ZBTB20: variants seen among roughly 807,000 people sequenced by gnomAD.
The protein encoded by ZBTB20 is zinc finger and BTB domain containing 20.
In ZBTB20, 9 loss-of-function variants were observed where a neutral mutation model predicts 56.9. That is an observed-to-expected ratio of 0.16 (90% CI 0.10 to 0.28). The LOEUF is 0.28. ZBTB20 is among the 10% of genes least tolerant of loss of function. The pLI is 1.00. For synonymous variants in ZBTB20, 417 were observed against 420.7 expected, an observed-to-expected ratio of 0.99 and a Z score of 0.11; for missense variants, 655 against 1,003.0, an observed-to-expected ratio of 0.65 and a Z score of 4.69.
intron 11 of ZBTB20, among the ~76,000 whole-genome samples, chr3:114,345,906 GT>G (rs1399693050): frequency 1.4e-4 from 21 of 152,204 alleles, no homozygotes; most frequent in African/African-American, 4.8e-4. Context: ...GATGAAGGGG[GT>G]AGAGGGGAGC....
chr3:114,561,194 T>C (rs1001240054), intron 6 of ZBTB20, among the ~76,000 whole-genome samples: 2 of 152,234 alleles, frequency 1.3e-5, no homozygotes, highest in African/African-American at 4.8e-5. Context: ...GTACAGTTAC[T>C]TCTTCTACTA....
At chr3:114,353,062 C>T (rs1487358990) in intron 10 of ZBTB20, among the ~76,000 whole-genome samples, 3 of 152,154 alleles carry the variant, frequency 2.0e-5, no homozygotes, top group East Asian at 1.9e-4. Context: ...GATCTTAGGG[C>T]TTTTCTATTT....
At chr3:114,902,203 ACTT>A (rs2075147134) in intron 3 of ZBTB20, among the ~76,000 whole-genome samples, 2 of 152,168 alleles carry the variant, frequency 1.3e-5, no homozygotes, top group African/African-American at 4.8e-5. Context: ...TCTTAGTAAA[ACTT>A]CTTTACTTAT....
At chr3:114,926,563 A>C (rs1281952032) in intron 3 of ZBTB20, among the ~76,000 whole-genome samples, 1 of 152,214 alleles carries the variant, frequency 6.6e-6, no homozygotes, top group South Asian at 2.1e-4. Context: ...AAATTGAATA[A>C]AAAACAAACA....
intron 10 of ZBTB20, among the ~76,000 whole-genome samples, chr3:114,359,046 A>G (rs2081532176): frequency 6.7e-6 from 1 of 149,942 alleles, no homozygotes; most frequent in African/African-American, 2.5e-5. Flanking sequence ...CAGCCTCATT[A>G]TATTATCCAT....
intron 6 of ZBTB20, among the ~76,000 whole-genome samples, chr3:114,641,647 T>A (rs549791720): frequency 4.3e-4 from 66 of 151,886 alleles, no homozygotes; most frequent in African/African-American, 1.5e-3. Context: ...AGCTAAATTT[T>A]AAAAAAGAGA....
chr3:114,825,242 A>G (rs1343435299), intron 4 of ZBTB20, among the ~76,000 whole-genome samples: 3 of 152,070 alleles, frequency 2.0e-5, no homozygotes, highest in East Asian at 1.9e-4. Context: ...ATTGCATGCA[A>G]TAAAGAAGGA....
intron 6 of ZBTB20, among the ~76,000 whole-genome samples, chr3:114,509,440 G>A (rs2045060951): frequency 1.3e-5 from 2 of 151,664 alleles, no homozygotes; most frequent in South Asian, 2.1e-4. Context: ...TGGTGGTGGT[G>A]GTGGTGGTGG....
chr3:114,401,504 G>C (rs961195450), intron 7 of ZBTB20, among the ~76,000 whole-genome samples: 2 of 152,060 alleles, frequency 1.3e-5, no homozygotes, highest in African/African-American at 4.8e-5. Context: ...TATTCCAAAG[G>C]TTCTTGGCCG....
At chr3:115,041,794 T>C (rs757446053) in intron 2 of ZBTB20, among the ~76,000 whole-genome samples, 1 of 152,212 alleles carries the variant, frequency 6.6e-6, no homozygotes, top group Non-Finnish European at 1.5e-5. Context: ...CTCTGCCCCA[T>C]GTCATCATGC....
chr3:114,361,763 G>C (rs1023166473), intron 10 of ZBTB20, among the ~76,000 whole-genome samples: 1 of 152,136 alleles, frequency 6.6e-6, no homozygotes, highest in East Asian at 1.9e-4. Context: ...AGGTAGCAAG[G>C]TCTCTACTTG....
intron 7 of ZBTB20, among the ~76,000 whole-genome samples, chr3:114,426,873 T>G (rs552788115): frequency 1.3e-5 from 2 of 152,352 alleles, no homozygotes; most frequent in African/African-American, 4.8e-5. Context: ...GGCAGCAAAA[T>G]ATGGTATTTA....
intron 7 of ZBTB20, among the ~76,000 whole-genome samples, chr3:114,414,952 C>T (rs367798923): frequency 9.2e-5 from 14 of 151,830 alleles, no homozygotes; most frequent in East Asian, 1.9e-4. Flanking sequence ...GCCGCCCCCC[C>T]GCACCCACCC....
chr3:115,032,710 G>A (rs2080741410), intron 2 of ZBTB20, among the ~76,000 whole-genome samples: 1 of 151,146 alleles, frequency 6.6e-6, no homozygotes, highest in Admixed American at 6.6e-5. Context: ...TGACCACAAA[G>A]GGATAAAGTT....
intron 4 of ZBTB20, among the ~76,000 whole-genome samples, chr3:114,872,384 T>A (rs1047376355): frequency 6.6e-6 from 1 of 152,082 alleles, no homozygotes; most frequent in African/African-American, 2.4e-5. Flanking sequence ...GTTGCACACA[T>A]TTTGTGTTGT....
chr3:114,535,213 G>C (rs754128812), intron 6 of ZBTB20, among the ~76,000 whole-genome samples: 3 of 152,034 alleles, frequency 2.0e-5, no homozygotes, highest in African/African-American at 4.8e-5. Context: ...CTGATTTTTT[G>C]AAAAGATTAA....
At chr3:114,723,991 CCCGAGT>C (rs2065095002) in intron 5 of ZBTB20, among the ~76,000 whole-genome samples, 1 of 152,040 alleles carries the variant, frequency 6.6e-6, no homozygotes, top group Admixed American at 6.5e-5. Flanking sequence ...TCCTCAGCCT[CCCGAGT>C]AGCTGGGACT....
chr3:114,529,226 T>G (rs1171896767), intron 6 of ZBTB20: 1 of 152,172 alleles, frequency 6.6e-6, no homozygotes, highest in Non-Finnish European at 1.5e-5. Context: ...CCAGGCCTGG[T>G]CCATTAAAAG....
chr3:114,991,220 C>A (rs1361982271), intron 2 of ZBTB20, among the ~76,000 whole-genome samples: 1 of 152,076 alleles, frequency 6.6e-6, no homozygotes, highest in Non-Finnish European at 1.5e-5. Context: ...TTGGATCTTT[C>A]CTGCTTTCTC....
Sources: gnomAD v4.1 joint callset for allele counts (sites outside exome capture counted in the v4.1 genomes callset) on GRCh38, gnomAD v4.1.1 for gene constraint, MANE v1.5 for transcripts, NCBI Gene and HGNC (gene_info 2026-07-23, HGNC 2026-07-21) for gene names.